Variants in SPAG16 observed in about 807,000 individuals in gnomAD.
The protein encoded by SPAG16 is sperm-associated antigen 16 protein.
A neutral mutation model predicts 80.4 loss-of-function variants in SPAG16; 86 were observed. That is an observed-to-expected ratio of 1.07 (90% confidence interval 0.90 to 1.28). The LOEUF (loss-of-function observed/expected upper bound fraction) is 1.28, where lower values mean the gene tolerates loss of function less well. Ranked by LOEUF, SPAG16 falls within the 50% of genes most tolerant of loss-of-function variation. SPAG16 has a pLI of 0.00. For synonymous variants in SPAG16, 294 were observed against 265.9 expected (o/e 1.11, Z -1.03); for missense variants, 870 against 765.3 (o/e 1.14, Z -1.61).
At chr2:213,820,277 G>A (rs1052967746) in intron 10 of SPAG16, among the ~76,000 whole-genome samples, 4 of 152,008 alleles carry the variant, frequency 2.6e-5, no homozygotes, top group Non-Finnish European at 5.9e-5. Context: ...GTTTTGCCAC[G>A]TTGCCCATAA....
chr2:214,133,515 G>C (rs2054891658), intron 14 of SPAG16, among the ~76,000 whole-genome samples: 1 of 152,046 alleles, frequency 6.6e-6, no homozygotes, highest in Non-Finnish European at 1.5e-5. Flanking sequence ...AAATTATCCA[G>C]GCGTGATGAT....
intron 10 of SPAG16, among the ~76,000 whole-genome samples, chr2:213,734,906 G>A (rs1017079585): frequency 1.7e-4 from 26 of 151,816 alleles, no homozygotes; most frequent in Non-Finnish European, 3.4e-4. Flanking sequence ...AATCTCCATC[G>A]CCTGTTTCAG....
At chr2:214,104,674 TG>T (rs1177748790) in intron 13 of SPAG16, among the ~76,000 whole-genome samples, 1 of 152,142 alleles carries the variant, frequency 6.6e-6, no homozygotes, top group Non-Finnish European at 1.5e-5. Context: ...AAAGATTTCG[TG>T]AAGATCAAAA....
intron 12 of SPAG16, among the ~76,000 whole-genome samples, chr2:213,962,445 G>A (rs928633862): frequency 6.6e-6 from 1 of 151,998 alleles, no homozygotes; most frequent in Non-Finnish European, 1.5e-5. Flanking sequence ...TTGGCCTCCC[G>A]AAGTGCTGGG....
intron 7 of SPAG16, among the ~76,000 whole-genome samples, chr2:213,352,985 T>G (rs897541258): frequency 6.6e-6 from 1 of 152,186 alleles, no homozygotes; most frequent in Admixed American, 6.6e-5. Flanking sequence ...AGTGCTCATT[T>G]TCTTCCTTCA....
intron 10 of SPAG16, among the ~76,000 whole-genome samples, chr2:213,580,839 G>C (rs2060274801): frequency 6.6e-6 from 1 of 152,044 alleles, no homozygotes; most frequent in East Asian, 1.9e-4. Flanking sequence ...CTTCTTGTCA[G>C]ACATTTATTT....
intron 9 of SPAG16, among the ~76,000 whole-genome samples, chr2:213,378,581 T>G (rs948901948): frequency 6.6e-6 from 1 of 152,226 alleles, no homozygotes; most frequent in Non-Finnish European, 1.5e-5. Flanking sequence ...GAAGGTATAT[T>G]CTTAGTACAG....
intron 10 of SPAG16, among the ~76,000 whole-genome samples, chr2:213,810,875 G>C (rs1336785034): frequency 6.6e-6 from 1 of 152,100 alleles, no homozygotes. Context: ...CAAAGTTGTG[G>C]CAATTGTCTG....
chr2:214,101,070 T>C (rs2052983513), intron 13 of SPAG16, among the ~76,000 whole-genome samples: 1 of 151,564 alleles, frequency 6.6e-6, no homozygotes, highest in South Asian at 2.1e-4. Flanking sequence ...ACTTATTTTA[T>C]GATTTAATTT....
intron 12 of SPAG16, among the ~76,000 whole-genome samples, chr2:213,974,089 G>C (rs1260046015): frequency 6.6e-6 from 1 of 152,084 alleles, no homozygotes; most frequent in Non-Finnish European, 1.5e-5. Flanking sequence ...GGGAGAAAAA[G>C]TTTAGCTGGA....
At chr2:213,660,752 A>G (rs1387385127) in intron 10 of SPAG16, among the ~76,000 whole-genome samples, 1 of 152,190 alleles carries the variant, frequency 6.6e-6, no homozygotes, top group Non-Finnish European at 1.5e-5. Context: ...TTGCATCTTA[A>G]ACTAGAAGAA....
chr2:213,380,795 G>A (rs2067132502), intron 9 of SPAG16, among the ~76,000 whole-genome samples: 1 of 152,144 alleles, frequency 6.6e-6, no homozygotes, highest in African/African-American at 2.4e-5. Context: ...TGGGTTATAT[G>A]GCCCCAGTGG....
At position 214,054,414 on chromosome 2, in the gene SPAG16, A is replaced by C. The variant is rs78094480; in HGVS notation, c.1527+40337A>C. 7.1e-3 allele frequency among the ~76,000 whole-genome samples: 1,074 copies of C among 152,338 alleles called. 17 individuals carry two copies. The highest frequency in any genetic ancestry group is 0.025 in the African/African-American group (1,037 of 41,584). ...GCGTTCATAATTCAAGCTTTTATTT[A>C]TCCAATTGTTCTTATCAGAAGTTCT... On this transcript the variant is annotated intron_variant, in intron 13 of 15. Coordinates refer to ENST00000331683, the MANE Select transcript of SPAG16 (RefSeq NM_024532.5).
intron 12 of SPAG16, among the ~76,000 whole-genome samples, chr2:213,950,410 A>C (rs1241660482): frequency 6.6e-6 from 1 of 152,164 alleles, no homozygotes; most frequent in Non-Finnish European, 1.5e-5. Context: ...ACATATGCAC[A>C]GTCTCACATC....
At chr2:214,239,456 G>A (rs1400733337) in intron 15 of SPAG16, 2 of 152,100 alleles carry the variant, frequency 1.3e-5, no homozygotes, top group Non-Finnish European at 2.9e-5. Context: ...TTCAAAATGA[G>A]ATAGCTTCTC....
intron 9 of SPAG16, among the ~76,000 whole-genome samples, chr2:213,477,052 C>A (rs536093798): frequency 6.6e-6 from 1 of 152,166 alleles, no homozygotes; most frequent in Admixed American, 6.5e-5. Context: ...GGAATGAATG[C>A]TGATTGGTCC....
rs1553677646 is a variant in SPAG16 at position 213,949,178 on chromosome 2, T to TTTTTTTTTTTTTGTTTTTTTTTTTTG, written c.1400+19045_1400+19046insGTTTTTTTTTTTTGTTTTTTTTTTTT. ...CTACTTAATTACAACAGTTTTTTTTTTTTTTTTTTTTTTTTGAGGTAGAGT... is the reference window on the plus strand; with the variant it reads ...CTACTTAATTACAACAGTTTTTTTTTTTTTTTTTTTTTGTTTTTTTTTTTTGTTTTTTTTTTTTTTTGAGGTAGAGT... On this transcript the variant is annotated intron_variant, in intron 12 of 15. Coordinates refer to ENST00000331683, the MANE Select transcript of SPAG16 (RefSeq NM_024532.5). Among the ~76,000 whole-genome samples the TTTTTTTTTTTTTGTTTTTTTTTTTTG allele has an allele frequency of 2.0e-3, 38 of 19,168 alleles. 2 individuals carry two copies. Among genetic ancestry groups the TTTTTTTTTTTTTGTTTTTTTTTTTTG allele is most frequent in the Middle Eastern group, 0.045 (1 of 22 alleles). 12.6% of individuals were successfully genotyped at this position (19,168 alleles called of 152,430 possible).
intron 15 of SPAG16, among the ~76,000 whole-genome samples, chr2:214,262,576 A>C (rs983606202): frequency 3.3e-5 from 5 of 152,062 alleles, no homozygotes; most frequent in Admixed American, 1.3e-4. Context: ...AGGATGATGA[A>C]ATTTTTAAGA....
chr2:214,340,863 T>C (rs1203512858), intron 15 of SPAG16, among the ~76,000 whole-genome samples: 1 of 152,208 alleles, frequency 6.6e-6, no homozygotes, highest in Non-Finnish European at 1.5e-5. Flanking sequence ...CTTCTTTAAC[T>C]GGCAACCAGA....
Sources: gnomAD v4.1 joint callset for allele counts (sites outside exome capture counted in the v4.1 genomes callset) on GRCh38, gnomAD v4.1.1 for gene constraint, MANE v1.5 for transcripts, NCBI Gene and HGNC (gene_info 2026-07-23, HGNC 2026-07-21) for gene names.